The following PLD1 variants were observed in gnomAD, a reference collection of about 807,000 sequenced individuals.
PLD1 encodes phospholipase D1.
PLD1 carries 112 observed loss-of-function variants against 137.1 expected under a neutral mutation model. That is an observed-to-expected ratio of 0.82 (90% CI 0.70 to 0.96). PLD1 has a LOEUF of 0.96. Among genes scored for constraint, PLD1 ranks in the 40% least tolerant of loss-of-function variants. The pLI, the probability that PLD1 is intolerant of heterozygous loss-of-function variation, is 0.00. For missense variants in PLD1, 1,321 were observed against 1,342.0 expected (o/e 0.98, Z 0.24); for synonymous variants, 431 against 454.7 (o/e 0.95, Z 0.66).
At chr3:171,795,723 G>T (rs1249289435) in intron 1 of PLD1, among the ~76,000 whole-genome samples, 1 of 152,170 alleles carries the variant, frequency 6.6e-6, no homozygotes, top group Non-Finnish European at 1.5e-5. Context: ...TTTTACTCAT[G>T]CTATTCCCTC....
chr3:171,687,146 G>A (rs572789041), intron 15 of PLD1, among the ~76,000 whole-genome samples: 48 of 152,236 alleles, frequency 3.2e-4, no homozygotes, highest in Admixed American at 8.5e-4. Context: ...AGTGGTAATC[G>A]TGGTCGTTAT....
intron 23 of PLD1, among the ~76,000 whole-genome samples, chr3:171,640,674 A>T (rs1735657766): frequency 6.6e-6 from 1 of 152,208 alleles, no homozygotes; most frequent in African/African-American, 2.4e-5. Context: ...GCTTCCACAG[A>T]GCCTCAAGGT....
intron 24 of PLD1, among the ~76,000 whole-genome samples, chr3:171,613,111 A>C (rs1320188646): frequency 6.6e-6 from 1 of 152,194 alleles, no homozygotes; most frequent in Non-Finnish European, 1.5e-5. Context: ...TCAAATTTGC[A>C]GTGGGCTGTA....
chr3:171,775,707 G>A (rs973894941), intron 1 of PLD1, among the ~76,000 whole-genome samples: 1 of 152,114 alleles, frequency 6.6e-6, no homozygotes, highest in African/African-American at 2.4e-5. Context: ...GCCGGGCGTG[G>A]TGGCACACAT....
intron 19 of PLD1, among the ~76,000 whole-genome samples, chr3:171,672,337 C>A (rs901244042): frequency 6.6e-6 from 1 of 152,182 alleles, no homozygotes; most frequent in Admixed American, 6.5e-5. Flanking sequence ...ACTTAGTAAA[C>A]ATATGTTGGC....
At chr3:171,635,331 A>C (rs28749915) in intron 23 of PLD1, among the ~76,000 whole-genome samples, 2 of 152,108 alleles carry the variant, frequency 1.3e-5, no homozygotes, top group Non-Finnish European at 2.9e-5. Flanking sequence ...TAACTTTTGC[A>C]GAAATGCCAA....
At chr3:171,642,569 G>T (rs1735853974) in intron 23 of PLD1, among the ~76,000 whole-genome samples, 1 of 149,910 alleles carries the variant, frequency 6.7e-6, no homozygotes, top group Non-Finnish European at 1.5e-5. Context: ...TCATAAAGAT[G>T]ATTGTTATTA....
intron 1 of PLD1, among the ~76,000 whole-genome samples, chr3:171,763,515 G>A (rs1352757941): frequency 8.3e-5 from 2 of 24,202 alleles, no homozygotes; most frequent in African/African-American, 3.4e-4. Context: ...GGGAGGAGGG[G>A]AAGGGAGCGG....
At chr3:171,751,429 G>A (rs772280869) in intron 1 of PLD1, among the ~76,000 whole-genome samples, 5 of 152,126 alleles carry the variant, frequency 3.3e-5, no homozygotes, top group African/African-American at 1.2e-4. Flanking sequence ...TAAGTAGAAT[G>A]TATAAAGAAC....
chr3:171,636,834 G>C (rs570081786), intron 23 of PLD1, among the ~76,000 whole-genome samples: 1 of 152,262 alleles, frequency 6.6e-6, no homozygotes, highest in East Asian at 1.9e-4. Flanking sequence ...TCTCATCACT[G>C]ATCATAGAGG....
intron 16 of PLD1, among the ~76,000 whole-genome samples, chr3:171,684,538 A>C (rs1714351679): frequency 6.6e-6 from 1 of 152,144 alleles, no homozygotes; most frequent in African/African-American, 2.4e-5. Context: ...TGTATGCTAA[A>C]TAAATATATG....
chr3:171,782,848 G>T (rs182326887), intron 1 of PLD1, among the ~76,000 whole-genome samples: 3 of 152,296 alleles, frequency 2.0e-5, no homozygotes, highest in African/African-American at 7.2e-5. Context: ...GAATAAGAAT[G>T]ATCCTGTAAA....
chr3:171,606,639 C>T (rs897333573), intron 25 of PLD1, among the ~76,000 whole-genome samples: 2 of 152,144 alleles, frequency 1.3e-5, no homozygotes, highest in Non-Finnish European at 2.9e-5. Context: ...AAGAATTGAC[C>T]ACCGGCTTTA....
chr3:171,704,468 A>AC (rs1351043588), intron 11 of PLD1, among the ~76,000 whole-genome samples: 2 of 151,254 alleles, frequency 1.3e-5, no homozygotes, highest in Non-Finnish European at 2.9e-5. Flanking sequence ...GAAAAAAAAA[A>AC]AAAAAAAAAC....
chr3:171,792,933 G>A (rs1723277517), intron 1 of PLD1: 2 of 320,904 alleles, frequency 6.2e-6, no homozygotes, highest in Non-Finnish European at 1.2e-5. Context: ...ACTCCCCAAG[G>A]AAGTGGGGCT....
In PLD1 at chr3:171,627,156, G is replaced by A. The variant is rs569577284; in HGVS notation, c.2594-6636C>T. Among the ~76,000 whole-genome samples the A allele has an allele frequency of 2.0e-5, 3 of 152,230 alleles. No homozygotes were observed. The South Asian group carries it at 6.2e-4, about 32-fold the overall frequency. ...ACACATAGGCTCAAAATAAAAGGAGGCAGGAAGATCTACCAAGCAAATGGA... is the reference window on the plus strand; with the variant it reads ...ACACATAGGCTCAAAATAAAAGGAGACAGGAAGATCTACCAAGCAAATGGA... On this transcript the variant is annotated intron_variant, in intron 23 of 26. Coordinates refer to ENST00000351298, the MANE Select transcript of PLD1 (RefSeq NM_002662.5).
At chr3:171,643,519 T>C (rs931409804) in intron 22 of PLD1, among the ~76,000 whole-genome samples, 17 of 152,058 alleles carry the variant, frequency 1.1e-4, no homozygotes, top group Admixed American at 8.5e-4. Flanking sequence ...ATGCTATTAT[T>C]AAAGATGATG....
At chr3:171,742,192 G>A in intron 1 of PLD1, among the ~76,000 whole-genome samples, 1 of 152,220 alleles carries the variant, frequency 6.6e-6, no homozygotes, top group South Asian at 2.1e-4. Flanking sequence ...GGAAAGATGG[G>A]CACTGGGAGA....
intron 1 of PLD1, among the ~76,000 whole-genome samples, chr3:171,777,580 C>A (rs1722633252): frequency 6.6e-6 from 1 of 152,228 alleles, no homozygotes; most frequent in Admixed American, 6.5e-5. Flanking sequence ...TGCTCTCAAT[C>A]TGCTTTCTCA....
Sources: gnomAD v4.1 joint callset for allele counts (sites outside exome capture counted in the v4.1 genomes callset) on GRCh38, gnomAD v4.1.1 for gene constraint, MANE v1.5 for transcripts, NCBI Gene and HGNC (gene_info 2026-07-23, HGNC 2026-07-21) for gene names.